TP53BP1: variants seen among roughly 807,000 people sequenced by gnomAD.
TP53BP1 encodes tumor protein p53 binding protein 1.
A neutral mutation model predicts 200.8 loss-of-function variants in TP53BP1; 61 were observed. The ratio of observed to expected loss-of-function variants is 0.30; its 90% confidence interval spans 0.25 to 0.38. The LOEUF (loss-of-function observed/expected upper bound fraction) is 0.38. Among genes scored for constraint, TP53BP1 ranks in the 10% least tolerant of loss-of-function variants. The probability of loss-of-function intolerance (pLI) is 1.00; values close to 1 mark genes in which losing one functional copy is unlikely to be tolerated. For missense variants in TP53BP1, 2,144 were observed against 2,371.9 expected (o/e 0.90, Z 2.00); for synonymous variants, 822 against 844.3 (o/e 0.97, Z 0.46).
intron 11 of TP53BP1, among the ~76,000 whole-genome samples, chr15:43,460,490 C>T (rs2046404047): frequency 6.6e-6 from 1 of 152,082 alleles, no homozygotes; most frequent in Admixed American, 6.5e-5. Flanking sequence ...AAATCCTGGG[C>T]TTGAGCAATC....
intron 14 of TP53BP1, 109 bp downstream of exon 14, chr15:43,446,278 A>G (rs1375041239): frequency 1.6e-5 from 14 of 873,744 alleles, no homozygotes; most frequent in Non-Finnish European, 2.4e-5. Context: ...GTAAGACTTT[A>G]CAAATACATT....
At chr15:43,480,077 T>A in intron 5 of TP53BP1, 60 bp from the exon 6 acceptor site, 1 of 1,517,796 alleles carries the variant, frequency 6.6e-7, no homozygotes, top group East Asian at 2.3e-5. Flanking sequence ...ATGTACAAGC[T>A]GCTGTCCTCA....
Position 43,480,443 on chromosome 15 carries a change from G to A in TP53BP1, c.500-426C>T, listed in dbSNP as rs377094933. Reference sequence around the variant, plus strand: ...AACCTGGGCAACAGAGCAAGACTCCGTCGCAAAAAAATAAAAAATAAATTT... The same window carrying A: ...AACCTGGGCAACAGAGCAAGACTCCATCGCAAAAAAATAAAAAATAAATTT... On this transcript the variant is annotated intron_variant, in intron 5 of 27. Transcript: ENST00000382044. Among the ~76,000 whole-genome samples the A allele has an allele frequency of 2.1e-3, 321 of 151,920 alleles. 2 individuals carry two copies. Among genetic ancestry groups the A allele is most frequent in the African/African-American group, 7.2e-3 (298 of 41,424 alleles).
intron 1 of TP53BP1, among the ~76,000 whole-genome samples, chr15:43,508,308 C>G (rs1272223749): frequency 6.6e-6 from 1 of 152,110 alleles, no homozygotes; most frequent in Admixed American, 6.5e-5. Context: ...TGCAGTGAAC[C>G]AAGATCACGC....
chr15:43,438,728 C>CA (rs397699362), intron 15 of TP53BP1, among the ~76,000 whole-genome samples: 321 of 21,636 alleles, frequency 0.015, 82 homozygotes, highest in East Asian at 0.021. Context: ...AAGCAAGAGG[C>CA]AAAAAAAAAA....
Position 43,481,268 on chromosome 15 carries a change from G to A in TP53BP1, c.372-246C>T, listed in dbSNP as rs1215548641. Among the ~76,000 whole-genome samples the A allele has an allele frequency of 4.6e-5, 7 of 152,172 alleles. No homozygotes were observed. In the South Asian group the frequency reaches 1.2e-3, roughly 27 times the overall value. The stretch of plus-strand genomic sequence containing the variant: ...TCGAATTTTATATTTTTGAGAAGAG[G>A]CAGAAAAATCTTGCATTCAGGAGAA... On this transcript the variant is annotated intron_variant, in intron 4 of 27. Transcript: ENST00000382044.
In TP53BP1 at chr15:43,428,147, G is replaced by C. The variant is rs368391710; in HGVS notation, c.3697C>G (p.Pro1233Ala). The C allele has an allele frequency of 5.6e-6, 9 of 1,613,866 alleles. No homozygotes were observed. The African/African-American group carries it at 9.3e-5, about 17-fold the overall frequency. Residue 1233 changes from proline (P) to alanine (A), a missense_variant, in exon 18 of 28, where the codon CCT (proline) becomes GCT (alanine). By Grantham distance (27) the Pro-to-Ala change is conservative. This residue lies in a region of TP53BP1 where 1,700 missense variants were observed against 1,710.3 expected (regional missense o/e 0.99). Coordinates refer to ENST00000382044, the MANE Select transcript of TP53BP1 (RefSeq NM_001141980.3). The part of the protein sequence containing the change: ...HSQGEEEFDM[P>A]QPPHGHVLHR... ...AAGACATGGCCATGTGGAGGCTGAG[G>C]CATATCAAACTCTTCTTCTCCCTGT...
rs762293392 is a variant in TP53BP1, at chr15:43,407,515, C to T, written c.5802G>A (p.Ser1934=). The change falls in exon 28 of 28, where the codon TCG becomes TCA. Residue 1934 remains serine (S), a synonymous_variant. Coordinates refer to ENST00000382044, the MANE Select transcript of TP53BP1 (RefSeq NM_001141980.3). ...GCAATGCTTCAGCACACTTCAGCAC[C>T]GAGGCTGGGCATGAGGGGTCCGTCA... is the stretch of plus-strand genomic sequence containing the variant. ...VVVTDPSCPA[S]VLKCAEALQL... The T allele has an allele frequency of 1.1e-5, 17 of 1,614,042 alleles. No individual in the cohort carries two copies. The highest frequency in any genetic ancestry group is 1.7e-5 in the Admixed American group (1 of 60,004).
upstream of TP53BP1, among the ~76,000 whole-genome samples, chr15:43,495,126 G>A (rs1438921212): frequency 6.6e-6 from 1 of 150,474 alleles, no homozygotes; most frequent in African/African-American, 2.5e-5. Context: ...AGGAGGCACA[G>A]GTTGCAATGA....
At chr15:43,451,386 C>A (rs571061870) in intron 12 of TP53BP1, among the ~76,000 whole-genome samples, 1 of 151,700 alleles carries the variant, frequency 6.6e-6, no homozygotes, top group East Asian at 1.9e-4. Flanking sequence ...TTCCTGTGTC[C>A]ATGTGTTCTC....
At chr15:43,421,794 T>C in intron 19 of TP53BP1, 61 bp downstream of exon 19, 3 of 1,587,144 alleles carry the variant, frequency 1.9e-6, no homozygotes, top group Non-Finnish European at 2.6e-6. Context: ...TCCTGTGATA[T>C]TAAAATGTCA....
At chr15:43,461,444 C>G (rs1304834356) in intron 11 of TP53BP1, among the ~76,000 whole-genome samples, 6 of 151,966 alleles carry the variant, frequency 3.9e-5, no homozygotes, top group African/African-American at 7.3e-5. Flanking sequence ...TCCTGAACTC[C>G]TAGGTTCAAG....
chr15:43,408,438 G>A (rs926540770), intron 26 of TP53BP1: 6 of 272,682 alleles, frequency 2.2e-5, no homozygotes, highest in Admixed American at 4.9e-5. Context: ...TCGTCACTGC[G>A]CCACTGTACT....
Position 43,403,812 on chromosome 15 carries a change from G to C in TP53BP1, c.*3571C>G, listed in dbSNP as rs764979087. 6.3e-7 allele frequency: 1 copy of C among 1,595,440 alleles called. No homozygotes were observed. The highest frequency in any genetic ancestry group is 8.6e-7 in the Non-Finnish European group (1 of 1,163,082). ...CATTCTCGTGAAGGTGCGTCTGCCT[G>C]GAAGTATGCAGCCTTGCCGAAAGGA... On this transcript the variant is annotated 3_prime_UTR_variant, in exon 28 of 28. Transcript: ENST00000382044.
At chr15:43,444,852 C>T (rs2046005851) in intron 14 of TP53BP1, among the ~76,000 whole-genome samples, 1 of 152,204 alleles carries the variant, frequency 6.6e-6, no homozygotes, top group African/African-American at 2.4e-5. Flanking sequence ...ACTGTTTCCC[C>T]CAATTCCCTC....
At chr15:43,494,512 A>G (rs994794282), upstream of TP53BP1, among the ~76,000 whole-genome samples, 4 of 152,248 alleles carry the variant, frequency 2.6e-5, no homozygotes, top group Non-Finnish European at 4.4e-5. Context: ...TATGGTCGCC[A>G]GTATGTTTTA....
At chr15:43,490,954 A>T (rs2079113608) in intron 4 of TP53BP1, among the ~76,000 whole-genome samples, 1 of 152,236 alleles carries the variant, frequency 6.6e-6, no homozygotes. Flanking sequence ...AGATATGCAA[A>T]AGACATGGTA....
intron 21 of TP53BP1, among the ~76,000 whole-genome samples, chr15:43,418,757 C>A (rs2045326056): frequency 6.6e-6 from 1 of 152,210 alleles, no homozygotes; most frequent in Non-Finnish European, 1.5e-5. Context: ...AGGCACTGTT[C>A]TTCAAACCAG....
At chr15:43,451,633 C>T (rs1338708594) in intron 12 of TP53BP1, among the ~76,000 whole-genome samples, 5 of 152,054 alleles carry the variant, frequency 3.3e-5, no homozygotes, top group Admixed American at 6.6e-5. Context: ...TGAATAGTGC[C>T]GCAATAAACA....
Sources: gnomAD v4.1 joint callset for allele counts (sites outside exome capture counted in the v4.1 genomes callset) on GRCh38, gnomAD v4.1.1 for gene constraint, gnomAD v4.1.1 regional missense constraint, MANE v1.5 for transcripts, NCBI Gene and HGNC (gene_info 2026-07-23, HGNC 2026-07-21) for gene names.